The following ENOX1 variants were observed in gnomAD, a reference collection of about 807,000 sequenced individuals.
The protein encoded by ENOX1 is candidate growth-related and time keeping constitutive hydroquinone (NADH) oxidase.
ENOX1 carries 42 observed loss-of-function variants against 82.5 expected under a neutral mutation model. The observed-to-expected ratio is 0.51, with a 90% CI of 0.40 to 0.66. ENOX1 has a LOEUF of 0.66. Ranked by LOEUF, ENOX1 falls within the 30% of genes least tolerant of loss-of-function variation. The probability of loss-of-function intolerance (pLI) is 0.00; values close to 1 mark genes in which losing one functional copy is unlikely to be tolerated. For synonymous variants in ENOX1, 271 were observed against 282.2 expected, an observed-to-expected ratio of 0.96 and a Z score of 0.40; for missense variants, 608 against 811.6, an observed-to-expected ratio of 0.75 and a Z score of 3.05.
At chr13:43,640,719 G>A (rs1292554192) in intron 2 of ENOX1, among the ~76,000 whole-genome samples, 1 of 152,062 alleles carries the variant, frequency 6.6e-6, no homozygotes, top group Non-Finnish European at 1.5e-5. Flanking sequence ...GTCTATCTCT[G>A]AATAACTCAC....
chr13:43,509,867 C>G (rs939836297), intron 2 of ENOX1, among the ~76,000 whole-genome samples: 1 of 151,952 alleles, frequency 6.6e-6, no homozygotes, highest in Non-Finnish European at 1.5e-5. Context: ...CTCCCCAACC[C>G]CCAACACCCA....
chr13:43,713,340 T>C (rs1207844989), intron 1 of ENOX1, among the ~76,000 whole-genome samples: 1 of 152,222 alleles, frequency 6.6e-6, no homozygotes, highest in Non-Finnish European at 1.5e-5. Context: ...GATTTTTGCA[T>C]CAATGTTCAT....
intron 2 of ENOX1, among the ~76,000 whole-genome samples, chr13:43,638,143 T>C (rs2083481950): frequency 6.6e-6 from 1 of 152,230 alleles, no homozygotes; most frequent in South Asian, 2.1e-4. Context: ...TTTACCCATC[T>C]TTCTGGATGG....
chr13:43,479,032 T>C (rs2058406239), intron 3 of ENOX1, among the ~76,000 whole-genome samples: 4 of 152,176 alleles, frequency 2.6e-5, no homozygotes, highest in Non-Finnish European at 5.9e-5. Flanking sequence ...ATAACTTTAC[T>C]TGAGCCCTTG....
At chr13:43,705,252 C>T (rs890991387) in intron 1 of ENOX1, among the ~76,000 whole-genome samples, 2 of 150,748 alleles carry the variant, frequency 1.3e-5, no homozygotes, top group African/African-American at 4.9e-5. Context: ...CACCACTGCA[C>T]TCCAGCCTGA....
chr13:43,701,241 G>A (rs539689588), intron 1 of ENOX1, among the ~76,000 whole-genome samples: 1 of 152,148 alleles, frequency 6.6e-6, no homozygotes, highest in African/African-American at 2.4e-5. Flanking sequence ...ACGTGCATTT[G>A]TAAAAAATAA....
At chr13:43,363,599 A>C (rs894513899) in intron 5 of ENOX1, among the ~76,000 whole-genome samples, 3 of 152,236 alleles carry the variant, frequency 2.0e-5, no homozygotes, top group Non-Finnish European at 2.9e-5. Flanking sequence ...ATTTAATCTC[A>C]TTCCGTACAT....
At chr13:43,267,941 T>C (rs1207275189) in intron 13 of ENOX1, among the ~76,000 whole-genome samples, 5 of 152,232 alleles carry the variant, frequency 3.3e-5, no homozygotes, top group Non-Finnish European at 5.9e-5. Flanking sequence ...CGAATCTTCT[T>C]CACGTTCTCT....
At chr13:43,578,398 T>C (rs890475987) in intron 2 of ENOX1, among the ~76,000 whole-genome samples, 5 of 152,232 alleles carry the variant, frequency 3.3e-5, no homozygotes, top group Admixed American at 2.6e-4. Flanking sequence ...TAGAATAATT[T>C]TGTTTATAAA....
In ENOX1 at chr13:43,224,901, G is replaced by A. The variant is rs184429023; in HGVS notation, c.1715-763C>T. On this transcript the variant is annotated intron_variant, in intron 15 of 16. Coordinates refer to ENST00000690772, the MANE Select transcript of ENOX1 (RefSeq NM_001347969.2). ...AAAGCATTACCTTCCTCTTCTCCCT[G>A]CTCCTGGATCCAAAATCAAAATAGT... 6.6e-5 allele frequency among the ~76,000 whole-genome samples: 10 copies of A among 152,308 alleles called. No individual in the cohort carries two copies. The East Asian group carries it at 1.9e-3, about 29-fold the overall frequency.
chr13:43,257,884 T>C (rs1225231377), intron 14 of ENOX1, among the ~76,000 whole-genome samples: 3 of 152,224 alleles, frequency 2.0e-5, no homozygotes, highest in African/African-American at 7.2e-5. Flanking sequence ...TGTCAGACCA[T>C]TTCACACAGC....
Position 43,667,520 on chromosome 13 carries a change from C to T in ENOX1, c.-260G>A, listed in dbSNP as rs573732090. 46 of 985,204 alleles carry T rather than the reference C, an allele frequency of 4.7e-5. No homozygotes were observed. In the East Asian group the frequency reaches 3.1e-3, roughly 67 times the overall value. 61.0% of individuals were successfully genotyped at this position (985,204 alleles called of 1,614,324 possible). A position where few individuals can be genotyped will look rare whatever the true frequency, so the allele number is the denominator to read the frequency against. On this transcript the variant is annotated 5_prime_UTR_variant, in exon 2 of 17. Transcript: ENST00000690772. Reference sequence around the variant, plus strand: ...CTCTCTCCTCCACATATTATAAATACGACATCATGCTGGCAGCAAAGGACC... The same window carrying T: ...CTCTCTCCTCCACATATTATAAATATGACATCATGCTGGCAGCAAAGGACC...
At chr13:43,224,208 C>G in intron 15 of ENOX1, 70 bp from the exon 16 acceptor site, 2 of 1,252,532 alleles carry the variant, frequency 1.6e-6, no homozygotes, top group Non-Finnish European at 2.3e-6. Flanking sequence ...ATAATGCTGT[C>G]TAATCCCAGT....
intron 2 of ENOX1, among the ~76,000 whole-genome samples, chr13:43,589,505 C>T (rs115657534): frequency 0.012 from 1,901 of 152,114 alleles, 30 homozygotes; most frequent in African/African-American, 0.039. Context: ...AAACTCTAGG[C>T]CAAATAATAA....
intron 2 of ENOX1, among the ~76,000 whole-genome samples, chr13:43,616,204 A>ATTTTTTT (rs58543927): frequency 2.0e-4 from 3 of 15,304 alleles, no homozygotes; most frequent in Non-Finnish European, 4.2e-4. Flanking sequence ...ATATATATAT[A>ATTTTTTT]TTTTTTTTTT....
At chr13:43,577,034 G>A (rs1454243687) in intron 2 of ENOX1, among the ~76,000 whole-genome samples, 1 of 152,184 alleles carries the variant, frequency 6.6e-6, no homozygotes, top group Non-Finnish European at 1.5e-5. Flanking sequence ...GAAGATACAA[G>A]TATAATAAGA....
chr13:43,429,698 C>A (rs894237714), intron 3 of ENOX1, among the ~76,000 whole-genome samples: 2 of 151,990 alleles, frequency 1.3e-5, no homozygotes, highest in Non-Finnish European at 2.9e-5. Flanking sequence ...TTAGGAAGGG[C>A]AGCAAGGAAA....
chr13:43,483,129 C>A (rs1165366418), intron 3 of ENOX1, among the ~76,000 whole-genome samples: 1 of 152,142 alleles, frequency 6.6e-6, no homozygotes, highest in Admixed American at 6.5e-5. Context: ...AAAGTACCAC[C>A]AAATGAAATA....
At chr13:43,297,424 CTT>C (rs142123582) in intron 12 of ENOX1, among the ~76,000 whole-genome samples, 1 of 149,158 alleles carries the variant, frequency 6.7e-6, no homozygotes, top group Non-Finnish European at 1.5e-5. Context: ...TAAAAACAAT[CTT>C]TTTTTTTTCA....
Sources: gnomAD v4.1 joint callset for allele counts (sites outside exome capture counted in the v4.1 genomes callset) on GRCh38, gnomAD v4.1.1 for gene constraint, MANE v1.5 for transcripts, NCBI Gene and HGNC (gene_info 2026-07-23, HGNC 2026-07-21) for gene names.